The following SPTA1 variants were observed in gnomAD, a reference collection of about 807,000 sequenced individuals.
SPTA1 encodes the protein spectrin alpha, erythrocytic 1, also known as spectrin alpha chain, erythrocytic 1.
Under a neutral mutation model 324.7 loss-of-function variants are expected in SPTA1, and 177 were observed. The observed-to-expected ratio is 0.55, with a 90% confidence interval of 0.48 to 0.62. The LOEUF (loss-of-function observed/expected upper bound fraction) is 0.62, where lower values mean the gene tolerates loss of function less well. Among genes scored for constraint, SPTA1 ranks in the 20% least tolerant of loss-of-function variants. The pLI is 0.00. For synonymous variants in SPTA1, 1,195 were observed against 1,041.3 expected, an observed-to-expected ratio of 1.15 and a Z score of -2.84; for missense variants, 3,162 against 2,883.6, an observed-to-expected ratio of 1.10 and a Z score of -2.21.
intron 20 of SPTA1, among the ~76,000 whole-genome samples, chr1:158,656,137 A>G (rs1460819150): frequency 6.6e-6 from 1 of 152,166 alleles, no homozygotes; most frequent in East Asian, 1.9e-4. Flanking sequence ...CTGGCCTCCT[A>G]ATAGACTGTA....
chr1:158,614,351 A>T (rs1179573012), intron 48 of SPTA1, 45 bp from the exon 49 acceptor site: 1 of 1,352,380 alleles, frequency 7.4e-7, no homozygotes, highest in Admixed American at 1.8e-5. Flanking sequence ...TATATGAAAC[A>T]CAGGTTAGCA....
rs781065001 is a variant in SPTA1, at chr1:158,647,755, G to A, written c.3715-35C>T. The A allele has an allele frequency of 1.3e-5, 21 of 1,612,084 alleles. No homozygotes were observed. In the East Asian group the frequency reaches 4.5e-4, roughly 34 times the overall value. On this transcript the variant is annotated intron_variant, in intron 26 of 51. Coordinates refer to ENST00000643759, the MANE Select transcript of SPTA1 (RefSeq NM_003126.4). ...TACAATAGCTCTGATAATCAGCCTA[G>A]AGACACACCTGAATCTTAGCAAAAG...
chr1:158,645,578 T>C lies in SPTA1; in HGVS notation c.3913A>G (p.Ile1305Val). 6.2e-7 allele frequency: 1 copy of C among 1,613,980 alleles called. No homozygotes were observed. Among genetic ancestry groups the C allele is most frequent in the Non-Finnish European group, 8.5e-7 (1 of 1,179,906 alleles). Residue 1305 changes from isoleucine (I) to valine (V), a missense_variant, in exon 28 of 52, where the codon ATC becomes GTC. By Grantham distance (29) the Ile-to-Val change is conservative (BLOSUM62 3). Coordinates refer to ENST00000643759, the MANE Select transcript of SPTA1 (RefSeq NM_003126.4). ...LSKARDLQNW[I>V]SSIGGMVSSQ... ...GATACCATGCCACCAATGCTACTGA[T>C]CCAGTTCTGCAGATCCCTAGATAAA...
At chr1:158,642,379 C>T in intron 33 of SPTA1, 32 bp downstream of exon 33, 1 of 1,608,990 alleles carries the variant, frequency 6.2e-7, no homozygotes, top group Non-Finnish European at 8.5e-7. Flanking sequence ...CTTCATGTGA[C>T]TTTGTAGCCC....
intron 27 of SPTA1, among the ~76,000 whole-genome samples, chr1:158,646,287 T>G (rs1028575390): frequency 2.0e-5 from 3 of 152,170 alleles, no homozygotes; most frequent in African/African-American, 7.2e-5. Context: ...AAGCATCTCA[T>G]AAAGAATGTC....
At chr1:158,618,323 G>A (rs890498151) in intron 45 of SPTA1, among the ~76,000 whole-genome samples, 6 of 152,216 alleles carry the variant, frequency 3.9e-5, no homozygotes, top group South Asian at 2.1e-4. Context: ...TTGCCAGGAT[G>A]TGATGAAGTC....
rs187654461 is a variant in SPTA1, at chr1:158,686,655, C to A, written c.-138G>T. ...AAGTATGTGGGGGAAAAAAAAAAAC[C>A]TCTTGCTTGGTCCTAGAATCCCATC... On this transcript the variant is annotated 5_prime_UTR_variant, in exon 1 of 52. The change creates a new upstream start codon in the 5' untranslated region. Coordinates refer to ENST00000643759, the MANE Select transcript of SPTA1 (RefSeq NM_003126.4). 1.5e-6 allele frequency: 1 copy of A among 681,930 alleles called. No homozygotes were observed. Among genetic ancestry groups the A allele is most frequent in the South Asian group, 1.7e-5 (1 of 59,704 alleles). 42.2% of individuals were successfully genotyped at this position (681,930 alleles called of 1,614,324 possible).
chr1:158,619,361 G>A (rs758416651), intron 44 of SPTA1, 27 bp from the exon 45 acceptor site: 1 of 1,608,948 alleles, frequency 6.2e-7, no homozygotes, highest in Non-Finnish European at 8.5e-7. Context: ...CAGACAACGT[G>A]ACTGACATCG....
chr1:158,639,140 G>A (rs912671388), intron 35 of SPTA1: 1 of 172,690 alleles, frequency 5.8e-6, no homozygotes, highest in African/African-American at 2.4e-5. Context: ...ACAAATTTTT[G>A]GTTGCTATTA....
At chr1:158,641,817 C>T (rs933351467) in intron 33 of SPTA1, among the ~76,000 whole-genome samples, 1 of 152,194 alleles carries the variant, frequency 6.6e-6, no homozygotes, top group African/African-American at 2.4e-5. Context: ...TGGGTATATA[C>T]CCAAAGGATT....
At chr1:158,611,417 A>G (rs781536550) in intron 51 of SPTA1, 28 bp from the exon 52 acceptor site, 3 of 1,612,530 alleles carry the variant, frequency 1.9e-6, no homozygotes, top group Non-Finnish European at 2.5e-6. Flanking sequence ...AGAAAAATAC[A>G]GTTATAGGGA....
intron 8 of SPTA1, among the ~76,000 whole-genome samples, chr1:158,675,720 A>G (rs1471029487): frequency 6.6e-6 from 1 of 152,200 alleles, no homozygotes; most frequent in Non-Finnish European, 1.5e-5. Context: ...AAGACAGTCA[A>G]TCCATAACTT....
At chr1:158,684,865 T>A (rs927303669) in intron 2 of SPTA1, among the ~76,000 whole-genome samples, 6 of 152,134 alleles carry the variant, frequency 3.9e-5, no homozygotes, top group African/African-American at 9.7e-5. Flanking sequence ...ACTGAAAAAC[T>A]GCTGCTTTTT....
Position 158,639,939 on chromosome 1 carries a change from C to T in SPTA1, c.4806G>A (p.Lys1602=). ...TCTGTTGACGACTGGCCTCATTGAG[C>T]TTCTTCCCTTTGTCATTTGTTCTCT... ...LLERTNDKGK[K]LNEASRQQRF... Residue 1602 remains lysine, a synonymous_variant, in exon 34 of 52, where the codon AAG becomes AAA. Coordinates refer to ENST00000643759, the MANE Select transcript of SPTA1 (RefSeq NM_003126.4). The T allele has an allele frequency of 6.2e-7, 1 of 1,613,930 alleles. No individual in the cohort carries two copies. The highest frequency in any genetic ancestry group is 8.5e-7 in the Non-Finnish European group (1 of 1,179,918).
rs140060077 is a variant in SPTA1 at position 158,681,715 on chromosome 1, G to A, written c.391-48C>T. 4.7e-4 allele frequency: 759 copies of A among 1,612,438 alleles called. 6 individuals carry two copies. In the African/African-American group the frequency reaches 9.1e-3, roughly 19 times the overall value. Reference sequence around the variant, plus strand: ...CACTCAGCCACAGACACTGGGAGCAGGGAAACACTCAGAGACTTGTGCAGA... The same window carrying A: ...CACTCAGCCACAGACACTGGGAGCAAGGAAACACTCAGAGACTTGTGCAGA... On this transcript the variant is annotated intron_variant, in intron 3 of 51. Transcript: ENST00000643759.
At chr1:158,666,263 C>T (rs1653591865) in intron 16 of SPTA1, 53 bp downstream of exon 16, 6 of 1,592,324 alleles carry the variant, frequency 3.8e-6, no homozygotes, top group Non-Finnish European at 3.4e-6. Flanking sequence ...AACGAGTGTG[C>T]TCAGAGCATA....
intron 47 of SPTA1, among the ~76,000 whole-genome samples, chr1:158,615,708 C>CATCT (rs3039788): frequency 0.52 from 78,851 of 151,578 alleles, 20,888 homozygotes; most frequent in East Asian, 0.62. Context: ...ATCTATCTAT[C>CATCT]ATCTATCTAT....
At chr1:158,670,826 T>C (rs1005508826) in intron 12 of SPTA1, among the ~76,000 whole-genome samples, 7 of 152,026 alleles carry the variant, frequency 4.6e-5, no homozygotes, top group Non-Finnish European at 7.4e-5. Context: ...TACTTAGATA[T>C]CTAGATGTTA....
At chr1:158,620,840 GAAAA>G (rs200959019) in intron 43 of SPTA1, 31 of 89,532 alleles carry the variant, frequency 3.5e-4, no homozygotes, top group Admixed American at 1.1e-3. Flanking sequence ...TAGTAAACAT[GAAAA>G]AAAAAAAAAA....
Sources: allele counts gnomAD v4.1 joint callset (sites outside exome capture counted in the v4.1 genomes callset), GRCh38; gene constraint gnomAD v4.1.1; transcripts MANE v1.5; gene names NCBI Gene and HGNC (gene_info 2026-07-23, HGNC 2026-07-21).